The following ARHGAP24 variants were observed in gnomAD, a reference collection of about 807,000 sequenced individuals.
ARHGAP24 encodes rho GTPase-activating protein 24.
ARHGAP24 carries 50 observed loss-of-function variants against 76.4 expected under a neutral mutation model. That is an observed-to-expected ratio of 0.65 (90% CI 0.52 to 0.83). The LOEUF (loss-of-function observed/expected upper bound fraction) is 0.83, where lower values mean the gene tolerates loss of function less well. Among genes scored for constraint, ARHGAP24 ranks in the 40% least tolerant of loss-of-function variants. ARHGAP24 has a pLI of 0.00. For synonymous variants in ARHGAP24, 345 were observed against 323.3 expected (o/e 1.07, Z -0.72); for missense variants, 930 against 914.2 (o/e 1.02, Z -0.22).
At chr4:85,926,054 A>G (rs1736010250) in intron 4 of ARHGAP24, among the ~76,000 whole-genome samples, 1 of 151,970 alleles carries the variant, frequency 6.6e-6, no homozygotes, top group African/African-American at 2.4e-5. Flanking sequence ...CTGAAAAAAA[A>G]AAAGAATGCC....
At chr4:85,817,687 A>T (rs1333421780) in intron 3 of ARHGAP24, among the ~76,000 whole-genome samples, 2 of 152,246 alleles carry the variant, frequency 1.3e-5, no homozygotes, top group African/African-American at 2.4e-5. Flanking sequence ...AAGTACAGTG[A>T]AGGTAATCCT....
intron 3 of ARHGAP24, among the ~76,000 whole-genome samples, chr4:85,845,685 G>A (rs1337862707): frequency 1.3e-5 from 2 of 152,054 alleles, no homozygotes; most frequent in Admixed American, 6.5e-5. Context: ...AACTGTGTAA[G>A]TGAAGTTACT....
chr4:85,686,483 C>T (rs147573525), intron 2 of ARHGAP24: 10 of 152,106 alleles, frequency 6.6e-5, no homozygotes, highest in Admixed American at 6.6e-5. Flanking sequence ...AAAACGAAGT[C>T]CTGGGTGACT....
chr4:85,730,624 G>C (rs1415331637), intron 3 of ARHGAP24, among the ~76,000 whole-genome samples: 1 of 152,066 alleles, frequency 6.6e-6, no homozygotes, highest in Admixed American at 6.6e-5. Flanking sequence ...GCCCAGGCTG[G>C]TCTCAAATCC....
At chr4:85,556,426 C>T (rs1320976895) in intron 1 of ARHGAP24, among the ~76,000 whole-genome samples, 1 of 152,140 alleles carries the variant, frequency 6.6e-6, no homozygotes, top group Non-Finnish European at 1.5e-5. Context: ...TGGAAAGAGA[C>T]TGGGCTCCTC....
chr4:85,873,558 T>C (rs1014696284), intron 3 of ARHGAP24, among the ~76,000 whole-genome samples: 1 of 152,184 alleles, frequency 6.6e-6, no homozygotes, highest in African/African-American at 2.4e-5. Context: ...CAGAACCATC[T>C]AGCTAGAGCA....
At chr4:85,818,051 A>C (rs1211414191) in intron 3 of ARHGAP24, among the ~76,000 whole-genome samples, 1 of 152,240 alleles carries the variant, frequency 6.6e-6, no homozygotes, top group Non-Finnish European at 1.5e-5. Context: ...GAAAATATGC[A>C]GATGGTTTAA....
chr4:85,953,638 AT>A (rs567273059), intron 5 of ARHGAP24, among the ~76,000 whole-genome samples: 287 of 145,048 alleles, frequency 2.0e-3, no homozygotes, highest in Middle Eastern at 0.015. Flanking sequence ...TCCACAGGCG[AT>A]TTTTTTTTTT....
At chr4:85,844,411 A>T (rs1179521258) in intron 3 of ARHGAP24, among the ~76,000 whole-genome samples, 1 of 152,184 alleles carries the variant, frequency 6.6e-6, no homozygotes, top group African/African-American at 2.4e-5. Flanking sequence ...CCCTAAACAA[A>T]AGTGTTAATT....
At chr4:85,554,544 T>A (rs183623729) in intron 1 of ARHGAP24, among the ~76,000 whole-genome samples, 5 of 152,316 alleles carry the variant, frequency 3.3e-5, no homozygotes, top group African/African-American at 1.2e-4. Context: ...GTCTTTGAGC[T>A]GTGAGATTTT....
At chr4:85,973,842 T>TTTTG (rs1739146730) in intron 6 of ARHGAP24, among the ~76,000 whole-genome samples, 1 of 80,570 alleles carries the variant, frequency 1.2e-5, no homozygotes, top group Admixed American at 1.4e-4. Context: ...TGTTTTTTTT[T>TTTTG]TTTTTTTTTT....
intron 3 of ARHGAP24, among the ~76,000 whole-genome samples, chr4:85,894,982 AAAAAAACAAAACAAAAAGC>A (rs1734074614): frequency 4.7e-5 from 1 of 21,192 alleles, no homozygotes; most frequent in Non-Finnish European, 1.1e-4. Context: ...AAAAAAAAAA[AAAAAAACAAAACAAAAAGC>A]AAAAAAAAAA....
chr4:85,537,896 G>A (rs540306629), intron 1 of ARHGAP24, among the ~76,000 whole-genome samples: 1 of 152,176 alleles, frequency 6.6e-6, no homozygotes, highest in Non-Finnish European at 1.5e-5. Flanking sequence ...CTTGTATATT[G>A]GTGTCAGGGT....
At chr4:85,643,989 C>A (rs1721627199) in intron 2 of ARHGAP24, among the ~76,000 whole-genome samples, 1 of 152,152 alleles carries the variant, frequency 6.6e-6, no homozygotes, top group African/African-American at 2.4e-5. Flanking sequence ...ATGCCTTTGA[C>A]TTCATTTTTG....
intron 2 of ARHGAP24, among the ~76,000 whole-genome samples, chr4:85,589,416 CA>C (rs1360107270): frequency 6.6e-6 from 1 of 152,092 alleles, no homozygotes; most frequent in Non-Finnish European, 1.5e-5. Context: ...CTAAAACAAA[CA>C]AAAAACACAA....
In ARHGAP24 at chr4:86,000,787, A is replaced by T. The variant is rs1452109492; in HGVS notation, c.*65A>T. ...ACTCCAGGGATTCTGGTGGGATATG[A>T]CTTAGAACCAGGTGGCTGGTCACCT... On this transcript the variant is annotated 3_prime_UTR_variant, in exon 10 of 10. Coordinates refer to ENST00000395184, the MANE Select transcript of ARHGAP24 (RefSeq NM_001025616.3). 1 of 1,608,396 alleles carries T rather than the reference A, an allele frequency of 6.2e-7. No individual in the cohort carries two copies. Among genetic ancestry groups the T allele is most frequent in the East Asian group, 2.2e-5 (1 of 44,660 alleles).
chr4:85,658,292 T>G (rs1722250355), intron 2 of ARHGAP24, among the ~76,000 whole-genome samples: 1 of 152,198 alleles, frequency 6.6e-6, no homozygotes, highest in South Asian at 2.1e-4. Context: ...ATTATTCAAT[T>G]TAAAGGAATA....
intron 2 of ARHGAP24, among the ~76,000 whole-genome samples, chr4:85,699,935 A>T (rs751984231): frequency 1.3e-5 from 2 of 152,200 alleles, no homozygotes; most frequent in Admixed American, 1.3e-4. Flanking sequence ...CTACAAAGTT[A>T]TCTATAGAAA....
chr4:85,873,294 G>T (rs1412539942), intron 3 of ARHGAP24, among the ~76,000 whole-genome samples: 1 of 152,204 alleles, frequency 6.6e-6, no homozygotes, highest in Non-Finnish European at 1.5e-5. Context: ...ATAATTCAGA[G>T]AAATAAAGTA....
Sources: gnomAD v4.1 joint callset for allele counts (sites outside exome capture counted in the v4.1 genomes callset) on GRCh38, gnomAD v4.1.1 for gene constraint, MANE v1.5 for transcripts, NCBI Gene and HGNC (gene_info 2026-07-23, HGNC 2026-07-21) for gene names.